The following COL13A1 variants were observed in gnomAD, a reference collection of about 807,000 sequenced individuals.
COL13A1 encodes the protein collagen type XIII alpha 1 chain.
A neutral mutation model predicts 130.9 loss-of-function variants in COL13A1; 89 were observed. The ratio of observed to expected loss-of-function variants is 0.68; its 90% confidence interval spans 0.57 to 0.81. The LOEUF (loss-of-function observed/expected upper bound fraction) is 0.81, where lower values mean the gene tolerates loss of function less well. Among genes scored for constraint, COL13A1 ranks in the 30% least tolerant of loss-of-function variants. The probability of loss-of-function intolerance (pLI) is 0.00; values close to 1 mark genes in which losing one functional copy is unlikely to be tolerated. For missense variants in COL13A1, 879 were observed against 934.6 expected (o/e 0.94, Z 0.78); for synonymous variants, 402 against 341.6 (o/e 1.18, Z -1.95).
In COL13A1 at chr10:69,958,895, T is replaced by G. The variant is rs2071317857; in HGVS notation, c.*194T>G. ...GTTTACAAGATGTTTTGTATAAGCCTATGTCTCTAATACATTTTTTGTTTG... is the reference window on the plus strand; with the variant it reads ...GTTTACAAGATGTTTTGTATAAGCCGATGTCTCTAATACATTTTTTGTTTG... On this transcript the variant is annotated 3_prime_UTR_variant, in exon 41 of 41. Transcript: ENST00000645393. The G allele has an allele frequency of 1.5e-6, 1 of 683,448 alleles. No homozygotes were observed. The highest frequency in any genetic ancestry group is 1.8e-5 in the African/African-American group (1 of 55,036). The allele number at this position is 683,448 out of a possible 1,614,324, so 42.3% of individuals were successfully genotyped here. A position where few individuals can be genotyped will look rare whatever the true frequency, so the allele number is the denominator to read the frequency against.
chr10:69,807,531 G>A (rs1232661778), intron 1 of COL13A1, among the ~76,000 whole-genome samples: 1 of 152,236 alleles, frequency 6.6e-6, no homozygotes, highest in Admixed American at 6.5e-5. Flanking sequence ...GTAGGGGACA[G>A]ATATAGGGGA....
intron 2 of COL13A1, among the ~76,000 whole-genome samples, chr10:69,846,863 G>A (rs1381608315): frequency 6.6e-6 from 1 of 152,220 alleles, no homozygotes; most frequent in East Asian, 1.9e-4. Context: ...GGCAGGAGCA[G>A]TGACTGCAGC....
intron 2 of COL13A1, among the ~76,000 whole-genome samples, chr10:69,833,968 T>C (rs1316733278): frequency 2.0e-5 from 3 of 152,044 alleles, no homozygotes; most frequent in African/African-American, 7.3e-5. Context: ...CAGAGGGATG[T>C]GATGTATCCA....
rs559950280 is a variant in COL13A1, at chr10:69,895,197, G to A, written c.658-353G>A. ...CCCATGGTGCCGGCTGCTCCCATCC[G>A]GTGGCTCCTGTTCAGGGCTGTCTGG... On this transcript the variant is annotated intron_variant, in intron 12 of 40. Coordinates refer to ENST00000645393, the MANE Select transcript of COL13A1 (RefSeq NM_001368882.1). Among the ~76,000 whole-genome samples, 323 of 152,308 alleles carry A rather than the reference G, an allele frequency of 2.1e-3. 1 individual carries two copies. Among genetic ancestry groups the A allele is most frequent in the African/African-American group, 7.3e-3 (302 of 41,574 alleles).
At chr10:69,928,813 A>C in intron 27 of COL13A1, 124 bp from the exon 28 acceptor site, 1 of 611,300 alleles carries the variant, frequency 1.6e-6, no homozygotes, top group Non-Finnish European at 2.8e-6. Flanking sequence ...ATGCATCTCT[A>C]TCACTGGAGA....
intron 13 of COL13A1, among the ~76,000 whole-genome samples, chr10:69,895,799 C>A (rs977455754): frequency 6.6e-6 from 1 of 152,130 alleles, no homozygotes; most frequent in Admixed American, 6.5e-5. Flanking sequence ...TATATGGAGC[C>A]GCTCATCACC....
At chr10:69,928,831 G>A (rs1000394743) in intron 27 of COL13A1, 106 bp from the exon 28 acceptor site, 3 of 753,644 alleles carry the variant, frequency 4.0e-6, no homozygotes, top group South Asian at 2.1e-5. Flanking sequence ...AGAAAGGTCT[G>A]TAAACAACTT....
intron 1 of COL13A1, among the ~76,000 whole-genome samples, chr10:69,806,895 C>A (rs1841733759): frequency 6.6e-6 from 1 of 152,176 alleles, no homozygotes; most frequent in African/African-American, 2.4e-5. Context: ...ATAATCCCAG[C>A]TACTCGGGAG....
chr10:69,924,106 GA>G (rs1430274887), intron 24 of COL13A1, among the ~76,000 whole-genome samples: 5 of 152,172 alleles, frequency 3.3e-5, no homozygotes, highest in African/African-American at 1.2e-4. Flanking sequence ...ATTGGTAAAC[GA>G]GGGGCTCTTG....
At chr10:69,894,468 C>T in intron 10 of COL13A1, 84 bp from the exon 11 acceptor site, 1 of 1,529,470 alleles carries the variant, frequency 6.5e-7, no homozygotes, top group Non-Finnish European at 9.0e-7. Context: ...CTTCGGGATT[C>T]AGCCCCAATC....
chr10:69,875,220 C>T (rs2134161292), intron 5 of COL13A1, 57 bp downstream of exon 5: 1 of 1,606,654 alleles, frequency 6.2e-7, no homozygotes, highest in Non-Finnish European at 8.5e-7. Context: ...TCCGTGCTGG[C>T]CTGTCCTCTA....
At position 69,958,992 on chromosome 10, in the gene COL13A1, G is replaced by A. The variant is rs529558924; in HGVS notation, c.*291G>A. 5.1e-6 allele frequency: 2 copies of A among 388,670 alleles called. No individual in the cohort carries two copies. Among genetic ancestry groups the A allele is most frequent in the South Asian group, 7.3e-5 (2 of 27,478 alleles). 24.1% of individuals were successfully genotyped at this position (388,670 alleles called of 1,614,324 possible). A position where few individuals can be genotyped will look rare whatever the true frequency, so the allele number is the denominator to read the frequency against. On this transcript the variant is annotated 3_prime_UTR_variant, in exon 41 of 41. Coordinates refer to ENST00000645393, the MANE Select transcript of COL13A1 (RefSeq NM_001368882.1). Reference sequence around the variant, plus strand: ...GCTTAATAAATTATTGTGTCCTGGTGCCAAAGGGGGCCAGCCAGAACTGAG... The same window carrying A: ...GCTTAATAAATTATTGTGTCCTGGTACCAAAGGGGGCCAGCCAGAACTGAG...
intron 7 of COL13A1, among the ~76,000 whole-genome samples, chr10:69,887,255 C>T (rs566919312): frequency 3.7e-4 from 57 of 152,300 alleles, no homozygotes; most frequent in African/African-American, 1.3e-3. Context: ...TTCCCACCCC[C>T]AGCCCCTGCA....
intron 37 of COL13A1, among the ~76,000 whole-genome samples, chr10:69,945,948 G>C (rs1456328227): frequency 6.6e-6 from 1 of 152,028 alleles, no homozygotes; most frequent in Non-Finnish European, 1.5e-5. Flanking sequence ...GTGCGCACCT[G>C]TATCCCAGCT....
intron 13 of COL13A1, among the ~76,000 whole-genome samples, 192 bp downstream of exon 13, chr10:69,895,768 T>C (rs536521186): frequency 1.3e-5 from 2 of 152,152 alleles, no homozygotes; most frequent in Non-Finnish European, 2.9e-5. Flanking sequence ...GAACAGCTGA[T>C]GTGTCTCTCC....
intron 1 of COL13A1, among the ~76,000 whole-genome samples, chr10:69,816,136 C>T (rs562449332): frequency 4.0e-5 from 6 of 150,242 alleles, no homozygotes; most frequent in African/African-American, 1.2e-4. Context: ...TGCAGGGGCA[C>T]GGGCAGAAGT....
Position 69,935,352 on chromosome 10 carries a change from T to C in COL13A1, c.1731T>C (p.Val577=). 6.3e-7 allele frequency: 1 copy of C among 1,580,090 alleles called. No homozygotes were observed. Among genetic ancestry groups the C allele is most frequent in the Non-Finnish European group, 8.6e-7 (1 of 1,161,978 alleles). Residue 577 remains valine (V), a splice_region_variant and synonymous_variant, in exon 32 of 41, where the codon GTT becomes GTC. Transcript: ENST00000645393. ...AGEKGNPGAE[V]PGLPGPEGPP... ...CAGGGCTCCCCTTTGGCTTTTAGGT[T>C]CCTGGGCTGCCAGGGCCAGAGGGGC...
intron 2 of COL13A1, among the ~76,000 whole-genome samples, chr10:69,852,558 A>G (rs1467441203): frequency 6.6e-6 from 1 of 152,278 alleles, no homozygotes; most frequent in African/African-American, 2.4e-5. Context: ...TATATCGAGC[A>G]ATGGCTCAGT....
At chr10:69,814,648 G>A (rs1277506831) in intron 1 of COL13A1, among the ~76,000 whole-genome samples, 1 of 152,248 alleles carries the variant, frequency 6.6e-6, no homozygotes, top group Non-Finnish European at 1.5e-5. Context: ...AAGGTCCAGA[G>A]GGGTTATAGA....
Sources: gnomAD v4.1 joint callset for allele counts (sites outside exome capture counted in the v4.1 genomes callset) on GRCh38, gnomAD v4.1.1 for gene constraint, MANE v1.5 for transcripts, NCBI Gene and HGNC (gene_info 2026-07-23, HGNC 2026-07-21) for gene names.